The following CFAP44 variants were observed in gnomAD, a reference collection of about 807,000 sequenced individuals.
The protein encoded by CFAP44 is cilia- and flagella-associated protein 44.
A neutral mutation model predicts 216.2 loss-of-function variants in CFAP44; 134 were observed. That is an observed-to-expected ratio of 0.62 (90% CI 0.54 to 0.72). The LOEUF (loss-of-function observed/expected upper bound fraction) is 0.72. Ranked by LOEUF, CFAP44 falls within the 30% of genes least tolerant of loss-of-function variation. The pLI is 0.00. For missense variants in CFAP44, 2,035 were observed against 2,182.1 expected (o/e 0.93, Z 1.34); for synonymous variants, 700 against 727.6 (o/e 0.96, Z 0.61).
intron 32 of CFAP44, among the ~76,000 whole-genome samples, chr3:113,303,357 T>C (rs1949956172): frequency 6.6e-6 from 1 of 152,218 alleles, no homozygotes; most frequent in Non-Finnish European, 1.5e-5. Context: ...AAATAAAATA[T>C]TTAATATTCA....
chr3:113,420,225 C>T, intron 4 of CFAP44, 46 bp from the exon 5 acceptor site: 1 of 1,525,844 alleles, frequency 6.6e-7, no homozygotes, highest in Non-Finnish European at 8.8e-7. Context: ...CACTACCATC[C>T]TAGGGATTGG....
intron 23 of CFAP44, among the ~76,000 whole-genome samples, chr3:113,343,397 C>T (rs868094850): frequency 1.4e-4 from 21 of 151,964 alleles, no homozygotes; most frequent in Non-Finnish European, 2.6e-4. Context: ...TTACTCTATT[C>T]GTGTTCAAGC....
intron 32 of CFAP44, among the ~76,000 whole-genome samples, chr3:113,298,552 C>T (rs1213603206): frequency 6.6e-6 from 1 of 152,200 alleles, no homozygotes; most frequent in Non-Finnish European, 1.5e-5. Context: ...CATCACAGTA[C>T]TATTCACAAT....
At chr3:113,310,272 A>G (rs1292087333) in intron 28 of CFAP44, among the ~76,000 whole-genome samples, 1 of 152,234 alleles carries the variant, frequency 6.6e-6, no homozygotes, top group East Asian at 1.9e-4. Context: ...GGGTGGTATC[A>G]GAAGAACATT....
intron 6 of CFAP44, among the ~76,000 whole-genome samples, chr3:113,413,417 T>G (rs1934546917): frequency 6.6e-6 from 1 of 152,232 alleles, no homozygotes; most frequent in African/African-American, 2.4e-5. Context: ...CAATTGCTTT[T>G]GGCTTTTTTG....
intron 1 of CFAP44, among the ~76,000 whole-genome samples, chr3:113,436,201 GA>G (rs1935236165): frequency 1.3e-5 from 2 of 151,964 alleles, no homozygotes; most frequent in African/African-American, 4.8e-5. Context: ...GGGATACACA[GA>G]CTTGCTTTCT....
At position 113,306,324 on chromosome 3, in the gene CFAP44, A is replaced by T; in HGVS notation, c.4635T>A (p.Asp1545Glu). The change falls in exon 30 of 35, where the codon GAT becomes GAA. Residue 1545 changes from aspartate to glutamate, a missense_variant. Asp to Glu is a conservative substitution (Grantham distance 45). This residue lies in a region of CFAP44 where 1,883 missense variants were observed against 2,023.7 expected (regional missense o/e 0.93). Coordinates refer to ENST00000393845, the MANE Select transcript of CFAP44 (RefSeq NM_001164496.2). Reference sequence around the variant, plus strand: ...GAAGGGCCAGCTCAAAAAGAGCCACATCACAATCTGCCAAGAGAATTAAAA... The same window carrying T: ...GAAGGGCCAGCTCAAAAAGAGCCACTTCACAATCTGCCAAGAGAATTAAAA... ...FDDSICPTNC[D>E]VALFELALHL... 1 of 1,536,234 alleles carries T rather than the reference A, an allele frequency of 6.5e-7. No homozygotes were observed. The highest frequency in any genetic ancestry group is 2.4e-5 in the East Asian group (1 of 40,890).
chr3:113,427,065 T>A, intron 3 of CFAP44, 122 bp downstream of exon 3: 1 of 1,078,876 alleles, frequency 9.3e-7, no homozygotes, highest in South Asian at 1.4e-5. Flanking sequence ...TGTCCTTTTA[T>A]CATTCCCACA....
At chr3:113,323,703 C>G (rs769183877) in intron 28 of CFAP44, among the ~76,000 whole-genome samples, 1 of 151,932 alleles carries the variant, frequency 6.6e-6, no homozygotes, top group African/African-American at 2.4e-5. Flanking sequence ...ATGAAATATA[C>G]CAATTCCTCA....
At chr3:113,349,287 T>C (rs1303497449) in intron 22 of CFAP44, among the ~76,000 whole-genome samples, 2 of 152,174 alleles carry the variant, frequency 1.3e-5, no homozygotes, top group Non-Finnish European at 2.9e-5. Context: ...GATAAGTTTA[T>C]TCCCAGTCAG....
At chr3:113,335,137 A>G (rs1950271515) in intron 24 of CFAP44, among the ~76,000 whole-genome samples, 1 of 152,220 alleles carries the variant, frequency 6.6e-6, no homozygotes. Flanking sequence ...TGTGAGAGTA[A>G]CAGGGCCCAT....
intron 19 of CFAP44, among the ~76,000 whole-genome samples, chr3:113,365,734 A>T (rs1040016718): frequency 3.3e-5 from 5 of 152,170 alleles, no homozygotes; most frequent in Admixed American, 3.3e-4. Context: ...AAAAAATTGC[A>T]AACTTTGAAA....
chr3:113,380,997 T>C lies in CFAP44; in HGVS notation c.1954A>G (p.Ile652Val). The C allele has an allele frequency of 6.2e-7, 1 of 1,600,126 alleles. No homozygotes were observed. Among genetic ancestry groups the C allele is most frequent in the South Asian group, 1.1e-5 (1 of 88,184 alleles). Residue 652 changes from isoleucine (I) to valine (V), a missense_variant, in exon 16 of 35, where the codon ATA (isoleucine) becomes GTA (valine). This residue lies in a region of CFAP44 where 1,883 missense variants were observed against 2,023.7 expected (regional missense o/e 0.93). Transcript: ENST00000393845. ...GYILEAPLPT[I>V]KQEEDDHDVV... is the part of the protein sequence containing the mutation. ...TCATGATCATCCTCTTCTTGCTTTA[T>C]GGTTGGAAGTGGAGCTTCAAGAATA...
chr3:113,344,693 T>C lies in CFAP44; in HGVS notation c.3085A>G (p.Ser1029Gly). The change falls in exon 23 of 35, where the codon AGT becomes GGT. Residue 1029 changes from serine to glycine, a missense_variant. Transcript: ENST00000393845. Reference sequence around the variant, plus strand: ...ATGGCATGAACCACAATAGTATCACTTTCCAGTGGATCTCGAAATCTGAAA... The same window carrying C: ...ATGGCATGAACCACAATAGTATCACCTTCCAGTGGATCTCGAAATCTGAAA... ...LKNRFRDPLE[S>G]DTIVVHAILS... The C allele has an allele frequency of 6.7e-7, 1 of 1,498,492 alleles. No homozygotes were observed. The highest frequency in any genetic ancestry group is 8.8e-7 in the Non-Finnish European group (1 of 1,132,030). 92.8% of individuals were successfully genotyped at this position (1,498,492 alleles called of 1,614,324 possible).
At chr3:113,414,910 T>A (rs896210046) in intron 6 of CFAP44, among the ~76,000 whole-genome samples, 2 of 152,196 alleles carry the variant, frequency 1.3e-5, no homozygotes, top group African/African-American at 4.8e-5. Context: ...CCTTTTCAAA[T>A]GTCTGGAATA....
intron 6 of CFAP44, among the ~76,000 whole-genome samples, chr3:113,412,500 C>T (rs977726681): frequency 2.6e-5 from 4 of 152,032 alleles, no homozygotes; most frequent in African/African-American, 9.6e-5. Context: ...CACCTATTGA[C>T]CTGTCCTCTA....
intron 21 of CFAP44, among the ~76,000 whole-genome samples, 197 bp from the exon 22 acceptor site, chr3:113,359,072 T>C (rs151023574): frequency 1.9e-4 from 29 of 152,174 alleles, no homozygotes; most frequent in African/African-American, 7.0e-4. Flanking sequence ...CAATTAACAA[T>C]AATACAAATA....
At position 113,401,656 on chromosome 3, in the gene CFAP44, T is replaced by C. The variant is rs750684225; in HGVS notation, c.1254A>G (p.Gln418=). 17 of 1,613,574 alleles carry C rather than the reference T, an allele frequency of 1.1e-5. No homozygotes were observed. Among genetic ancestry groups the C allele is most frequent in the Non-Finnish European group, 1.3e-5 (15 of 1,179,728 alleles). The stretch of plus-strand genomic sequence containing the variant: ...AGAAGAGATTCACATTCTTGTCTAC[T>C]TGAAGTTCATTAATAGGCTCAATCT... ...LLEIEPINEL[Q]VDKNVNLFSM... The change falls in exon 10 of 35, where the codon CAA becomes CAG. Residue 418 remains glutamine (Q), a synonymous_variant. Transcript: ENST00000393845.
At chr3:113,434,164 G>C (rs374900774) in intron 1 of CFAP44, among the ~76,000 whole-genome samples, 12 of 152,148 alleles carry the variant, frequency 7.9e-5, no homozygotes, top group African/African-American at 2.9e-4. Flanking sequence ...TATGGAGCTT[G>C]TTTATAAAGA....
Sources: allele counts gnomAD v4.1 joint callset (sites outside exome capture counted in the v4.1 genomes callset), GRCh38; gene constraint gnomAD v4.1.1; regional missense constraint gnomAD v4.1.1; transcripts MANE v1.5; gene names NCBI Gene and HGNC (gene_info 2026-07-23, HGNC 2026-07-21).